The following CACNA2D1 variants were observed in gnomAD, a reference collection of about 807,000 sequenced individuals.
The protein encoded by CACNA2D1 is voltage-dependent calcium channel subunit alpha-2/delta-1.
In CACNA2D1, 53 loss-of-function variants were observed where a neutral mutation model predicts 171.5. That is an observed-to-expected ratio of 0.31 (90% CI 0.25 to 0.39). CACNA2D1 has a LOEUF of 0.39. Ranked by LOEUF, CACNA2D1 falls within the 10% of genes least tolerant of loss-of-function variation. The pLI is 1.00. For synonymous variants in CACNA2D1, 442 were observed against 443.1 expected (o/e 1.00, Z 0.03); for missense variants, 903 against 1,299.8 (o/e 0.69, Z 4.69).
At chr7:81,998,728 CAAAGGTGA>C (rs1244075099) in intron 18 of CACNA2D1, among the ~76,000 whole-genome samples, 1 of 151,928 alleles carries the variant, frequency 6.6e-6, no homozygotes, top group Non-Finnish European at 1.5e-5. Flanking sequence ...TTAAATTTTT[CAAAGGTGA>C]AAATGCTGAC....
intron 3 of CACNA2D1, among the ~76,000 whole-genome samples, chr7:82,238,954 A>G (rs1440005280): frequency 6.6e-6 from 1 of 152,096 alleles, no homozygotes; most frequent in Non-Finnish European, 1.5e-5. Flanking sequence ...ATATGCAACA[A>G]TCTTTATTGA....
intron 6 of CACNA2D1, among the ~76,000 whole-genome samples, chr7:82,114,259 C>T (rs753974625): frequency 3.2e-4 from 49 of 152,104 alleles, no homozygotes; most frequent in Admixed American, 1.5e-3. Context: ...TAGCATACAA[C>T]AGATGGATGC....
intron 3 of CACNA2D1, among the ~76,000 whole-genome samples, chr7:82,314,062 G>A (rs1037030321): frequency 4.6e-5 from 7 of 151,916 alleles, no homozygotes; most frequent in Non-Finnish European, 7.4e-5. Context: ...CTTTCTAAAA[G>A]AATCACATGA....
At chr7:82,212,509 C>G (rs1245023875) in intron 3 of CACNA2D1, among the ~76,000 whole-genome samples, 1 of 152,142 alleles carries the variant, frequency 6.6e-6, no homozygotes, top group Non-Finnish European at 1.5e-5. Context: ...ATTTGTAGAA[C>G]ATAAGCCTAT....
intron 16 of CACNA2D1, among the ~76,000 whole-genome samples, chr7:82,006,550 A>C (rs1385321088): frequency 6.6e-6 from 1 of 152,114 alleles, no homozygotes; most frequent in Admixed American, 6.6e-5. Context: ...ATAAGCAAAA[A>C]ATTATAAAAT....
At chr7:82,213,506 A>T (rs570486526) in intron 3 of CACNA2D1, among the ~76,000 whole-genome samples, 85 of 152,278 alleles carry the variant, frequency 5.6e-4, no homozygotes, top group African/African-American at 1.9e-3. Flanking sequence ...GCTACAAAAC[A>T]CCCACTAGAT....
intron 6 of CACNA2D1, among the ~76,000 whole-genome samples, chr7:82,086,892 A>C (rs1810543633): frequency 6.6e-6 from 1 of 152,136 alleles, no homozygotes; most frequent in African/African-American, 2.4e-5. Flanking sequence ...ACTTTTATAA[A>C]CTGAGGGAAA....
At chr7:82,203,700 A>G (rs1046843709) in intron 3 of CACNA2D1, among the ~76,000 whole-genome samples, 18 of 152,198 alleles carry the variant, frequency 1.2e-4, no homozygotes, top group Non-Finnish European at 2.5e-4. Context: ...GGAGTGCTTG[A>G]GAACACCAGT....
intron 5 of CACNA2D1, among the ~76,000 whole-genome samples, chr7:82,129,520 C>G (rs1171480323): frequency 1.3e-5 from 2 of 152,112 alleles, no homozygotes; most frequent in East Asian, 1.9e-4. Context: ...TTCACATTGT[C>G]AAATTTGTTA....
chr7:82,078,783 T>C (rs948371747), intron 7 of CACNA2D1, among the ~76,000 whole-genome samples: 2 of 152,074 alleles, frequency 1.3e-5, no homozygotes, highest in Non-Finnish European at 2.9e-5. Flanking sequence ...AGAAATATAA[T>C]ATGACTTAAA....
chr7:82,209,338 T>C (rs549630557), intron 3 of CACNA2D1, among the ~76,000 whole-genome samples: 1 of 152,286 alleles, frequency 6.6e-6, no homozygotes, highest in Non-Finnish European at 1.5e-5. Context: ...GGTAGATTAT[T>C]TATTGAAGGG....
At chr7:82,020,065 T>C (rs1004667204) in intron 12 of CACNA2D1, among the ~76,000 whole-genome samples, 31 of 152,172 alleles carry the variant, frequency 2.0e-4, no homozygotes, top group Admixed American at 1.9e-3. Flanking sequence ...TAAATAAAAG[T>C]GTCCAAATTC....
chr7:82,423,118 G>T (rs1016902499), intron 1 of CACNA2D1, among the ~76,000 whole-genome samples: 6 of 151,956 alleles, frequency 3.9e-5, no homozygotes, highest in African/African-American at 1.4e-4. Context: ...TTATACTTTT[G>T]TACTTTCGCA....
chr7:82,114,964 G>T (rs1166889334), intron 6 of CACNA2D1, among the ~76,000 whole-genome samples: 1 of 152,024 alleles, frequency 6.6e-6, no homozygotes, highest in Non-Finnish European at 1.5e-5. Flanking sequence ...ATATCTTGTG[G>T]ACATTTATAA....
chr7:82,012,371 T>C (rs941093285), intron 14 of CACNA2D1, 128 bp from the exon 15 acceptor site: 11 of 658,738 alleles, frequency 1.7e-5, no homozygotes, highest in East Asian at 8.2e-5. Flanking sequence ...ACACTGAATA[T>C]ATAATCAGTT....
At chr7:81,968,749 A>G (rs1794963488) in intron 29 of CACNA2D1, 138 bp downstream of exon 29, 2 of 612,420 alleles carry the variant, frequency 3.3e-6, no homozygotes, top group Non-Finnish European at 5.9e-6. Context: ...TATTTTATTT[A>G]ATTTTTTTAA....
chr7:82,114,664 G>T lies in CACNA2D1; in HGVS notation c.526+2380C>A, dbSNP rs565533908. ...CTAGCTACTCAGGAGGCTGAAGCAGGATAATTGCTTGAAGCTGGGAGGCAG... is the reference window on the plus strand; with the variant it reads ...CTAGCTACTCAGGAGGCTGAAGCAGTATAATTGCTTGAAGCTGGGAGGCAG... On this transcript the variant is annotated intron_variant, in intron 6 of 38. Transcript: ENST00000356860. Among the ~76,000 whole-genome samples the T allele has an allele frequency of 2.6e-5, 4 of 150,950 alleles. No individual in the cohort carries two copies. The South Asian group carries it at 8.5e-4, about 32-fold the overall frequency.
chr7:82,023,397 C>A (rs1285270241), intron 12 of CACNA2D1, among the ~76,000 whole-genome samples: 1 of 151,768 alleles, frequency 6.6e-6, no homozygotes, highest in Non-Finnish European at 1.5e-5. Flanking sequence ...AACCTTTTGG[C>A]CTCATTAAAT....
chr7:82,061,506 C>CTAAA, intron 9 of CACNA2D1, among the ~76,000 whole-genome samples: 1 of 152,164 alleles, frequency 6.6e-6, no homozygotes, highest in South Asian at 2.1e-4. Context: ...TAGATACCGA[C>CTAAA]TAAATAGCCA....
Sources: allele counts gnomAD v4.1 joint callset (sites outside exome capture counted in the v4.1 genomes callset), GRCh38; gene constraint gnomAD v4.1.1; transcripts MANE v1.5; gene names NCBI Gene and HGNC (gene_info 2026-07-23, HGNC 2026-07-21).